LGR5: variants seen among roughly 807,000 people sequenced by gnomAD.
LGR5 encodes the protein leucine-rich repeat-containing G protein-coupled receptor 5.
Under a neutral mutation model 76.7 loss-of-function variants are expected in LGR5, and 54 were observed. The observed-to-expected ratio is 0.70, with a 90% CI of 0.57 to 0.88. The LOEUF is 0.88. Among genes scored for constraint, LGR5 ranks in the 40% least tolerant of loss-of-function variants. LGR5 has a pLI of 0.00. For synonymous variants in LGR5, 406 were observed against 421.9 expected, an observed-to-expected ratio of 0.96 and a Z score of 0.46; for missense variants, 1,078 against 1,073.3, an observed-to-expected ratio of 1.00 and a Z score of -0.06.
Position 71,583,890 on chromosome 12 carries a change from A to G in LGR5, c.1880A>G (p.His627Arg), listed in dbSNP as rs769269197. Residue 627 changes from histidine to arginine, a missense_variant, in exon 18 of 18, where the codon CAT (histidine) becomes CGT (arginine). His to Arg is a conservative substitution (Grantham distance 29). Transcript: ENST00000266674. ...DAFTFGSFAR[H>R]GAWWENGVGC... is the part of the protein sequence containing the mutation. The stretch of plus-strand genomic sequence containing the variant: ...TTCACTTTTGGCAGCTTTGCACGAC[A>G]TGGTGCCTGGTGGGAGAATGGGGTT... 5 of 1,614,032 alleles carry G rather than the reference A, an allele frequency of 3.1e-6. No homozygotes were observed. The highest frequency in any genetic ancestry group is 3.3e-5 in the Admixed American group (2 of 59,998).
At chr12:71,517,401 GC>G (rs2137327860) in intron 2 of LGR5, among the ~76,000 whole-genome samples, 1 of 152,242 alleles carries the variant, frequency 6.6e-6, no homozygotes, top group African/African-American at 2.4e-5. Flanking sequence ...GAAAGTCCCT[GC>G]CCAAAAAAGA....
intron 2 of LGR5, among the ~76,000 whole-genome samples, chr12:71,519,366 C>T (rs1175112754): frequency 2.0e-5 from 3 of 152,076 alleles, no homozygotes; most frequent in Non-Finnish European, 4.4e-5. Flanking sequence ...CTTGATTTTG[C>T]TTTTTTCAGA....
At chr12:71,558,243 T>C (rs1877875179) in intron 6 of LGR5, among the ~76,000 whole-genome samples, 1 of 152,212 alleles carries the variant, frequency 6.6e-6, no homozygotes, top group South Asian at 2.1e-4. Context: ...CCAGCCCTTT[T>C]GAACAATAAC....
chr12:71,580,219 A>G, intron 15 of LGR5, 59 bp from the exon 16 acceptor site: 1 of 1,468,758 alleles, frequency 6.8e-7, no homozygotes, highest in Non-Finnish European at 9.3e-7. Context: ...GAACATGAAC[A>G]CTATATTTAA....
At chr12:71,480,267 G>A (rs886774081) in intron 1 of LGR5, among the ~76,000 whole-genome samples, 1 of 151,516 alleles carries the variant, frequency 6.6e-6, no homozygotes, top group African/African-American at 2.4e-5. Context: ...GGGAGGCTGA[G>A]GCAGACACGC....
At position 71,524,613 on chromosome 12, in the gene LGR5, A is replaced by G. The variant is rs76297391; in HGVS notation, c.356+136A>G. 3,335 of 568,702 alleles carry G rather than the reference A, an allele frequency of 5.9e-3. 122 individuals are homozygous for G. In the African/African-American group the frequency reaches 0.06, roughly 10 times the overall value. 35.2% of individuals were successfully genotyped at this position (568,702 alleles called of 1,614,324 possible). A position where few individuals can be genotyped will look rare whatever the true frequency, so the allele number is the denominator to read the frequency against. ...ATTCATCTAAATTCAAGTTTACTTCATTGGTACCATACAGCCATATCACAC... is the reference window on the plus strand; with the variant it reads ...ATTCATCTAAATTCAAGTTTACTTCGTTGGTACCATACAGCCATATCACAC... On this transcript the variant is annotated intron_variant, in intron 3 of 17. Coordinates refer to ENST00000266674, the MANE Select transcript of LGR5 (RefSeq NM_003667.4).
intron 12 of LGR5, among the ~76,000 whole-genome samples, chr12:71,572,114 C>T (rs901673951): frequency 6.1e-5 from 9 of 147,800 alleles, no homozygotes; most frequent in Non-Finnish European, 1.0e-4. Flanking sequence ...GATGGAGTCT[C>T]GCTCTGTCGC....
intron 2 of LGR5, among the ~76,000 whole-genome samples, chr12:71,523,995 A>T (rs1875852874): frequency 6.6e-6 from 1 of 152,248 alleles, no homozygotes; most frequent in Non-Finnish European, 1.5e-5. Flanking sequence ...GTATAGTTGC[A>T]ACAGAAATAT....
chr12:71,514,966 A>G (rs1875365959), intron 2 of LGR5, among the ~76,000 whole-genome samples: 1 of 152,202 alleles, frequency 6.6e-6, no homozygotes, highest in South Asian at 2.1e-4. Flanking sequence ...TGATTCTTAT[A>G]TCCAAGGCAC....
intron 3 of LGR5, among the ~76,000 whole-genome samples, chr12:71,529,684 G>T (rs927201036): frequency 1.3e-5 from 2 of 152,166 alleles, no homozygotes; most frequent in East Asian, 3.9e-4. Flanking sequence ...GGCTGGGTGT[G>T]GTGGCTCACA....
intron 10 of LGR5, 47 bp downstream of exon 10, chr12:71,566,747 A>G (rs750497140): frequency 4.4e-6 from 7 of 1,575,406 alleles, no homozygotes; most frequent in Admixed American, 1.7e-5. Context: ...ATACACTGCC[A>G]TTAGAGCTTG....
At chr12:71,496,370 CAAAAAAAA>C (rs67593850) in intron 1 of LGR5, among the ~76,000 whole-genome samples, 17 of 99,574 alleles carry the variant, frequency 1.7e-4, no homozygotes, top group African/African-American at 4.3e-5. Context: ...TCCATCTCAA[CAAAAAAAA>C]AAAAAAAAAA....
Position 71,553,962 on chromosome 12 carries a change from A to T in LGR5, c.644+674A>T, listed in dbSNP as rs185935063. On this transcript the variant is annotated intron_variant, in intron 5 of 17. Transcript: ENST00000266674. The stretch of plus-strand genomic sequence containing the variant: ...AAAAATTAGCTGGGCGTAGTGGCAC[A>T]TGCTTGTAATCCCAGCTACTAGGGA... Among the ~76,000 whole-genome samples the T allele has an allele frequency of 1.9e-3, 294 of 152,244 alleles. 1 individual carries two copies. The highest frequency in any genetic ancestry group is 5.9e-3 in the African/African-American group (247 of 41,562).
At chr12:71,507,620 G>A (rs557243068) in intron 2 of LGR5, among the ~76,000 whole-genome samples, 2 of 151,968 alleles carry the variant, frequency 1.3e-5, no homozygotes, top group African/African-American at 2.4e-5. Context: ...AATAGTCTTC[G>A]ATAATATTTT....
intron 1 of LGR5, among the ~76,000 whole-genome samples, chr12:71,451,282 C>T (rs938774575): frequency 1.8e-4 from 28 of 152,288 alleles, no homozygotes; most frequent in East Asian, 1.9e-4. Context: ...ATGCTTGGGA[C>T]AAGAGGAGGT....
intron 6 of LGR5, among the ~76,000 whole-genome samples, 181 bp from the exon 7 acceptor site, chr12:71,559,405 G>A (rs948312687): frequency 3.9e-5 from 6 of 152,094 alleles, no homozygotes; most frequent in Non-Finnish European, 5.9e-5. Context: ...CCATTTTAAC[G>A]CAGATACTTA....
chr12:71,448,945 T>C (rs2137204285), intron 1 of LGR5: 1 of 152,302 alleles, frequency 6.6e-6, no homozygotes, highest in Admixed American at 6.5e-5. Context: ...GTGTTAACTG[T>C]ACAATAGAGA....
chr12:71,486,360 T>G (rs1873827972), intron 1 of LGR5, among the ~76,000 whole-genome samples: 1 of 152,056 alleles, frequency 6.6e-6, no homozygotes, highest in African/African-American at 2.4e-5. Context: ...GACATGTGAG[T>G]GGCTGTTAAA....
rs1257747286 is a variant in LGR5 at position 71,584,483 on chromosome 12, C to T, written c.2473C>T (p.Pro825Ser). The T allele has an allele frequency of 6.2e-7, 1 of 1,614,058 alleles. No individual in the cohort carries two copies. The highest frequency in any genetic ancestry group is 8.5e-7 in the Non-Finnish European group (1 of 1,180,034). The part of the protein sequence containing the change: ...LNPLLYILFN[P>S]HFKEDLVSLR... Reference sequence around the variant, plus strand: ...TCCCCTTCTCTACATCTTGTTCAATCCTCACTTTAAGGAGGATCTGGTGAG... The same window carrying T: ...TCCCCTTCTCTACATCTTGTTCAATTCTCACTTTAAGGAGGATCTGGTGAG... Residue 825 changes from proline (P) to serine (S), a missense_variant, in exon 18 of 18, where the codon CCT (proline) becomes TCT (serine). Transcript: ENST00000266674.
Sources: allele counts gnomAD v4.1 joint callset (sites outside exome capture counted in the v4.1 genomes callset), GRCh38; gene constraint gnomAD v4.1.1; transcripts MANE v1.5; gene names NCBI Gene and HGNC (gene_info 2026-07-23, HGNC 2026-07-21).